The following ASIC2 variants were observed in gnomAD, a reference collection of about 807,000 sequenced individuals.
ASIC2 encodes acid sensing ion channel subunit 2.
In ASIC2, 25 loss-of-function variants were observed where a neutral mutation model predicts 57.3. That is an observed-to-expected ratio of 0.44 (90% confidence interval 0.32 to 0.61). The LOEUF (loss-of-function observed/expected upper bound fraction) is 0.61. ASIC2 is among the 20% of genes least tolerant of loss of function. The probability of loss-of-function intolerance (pLI) is 0.06; values close to 1 mark genes in which losing one functional copy is unlikely to be tolerated. For synonymous variants in ASIC2, 319 were observed against 307.5 expected (o/e 1.04, Z -0.39); for missense variants, 641 against 738.1 (o/e 0.87, Z 1.52).
chr17:33,395,471 T>C (rs1910043662), intron 1 of ASIC2, among the ~76,000 whole-genome samples: 1 of 152,144 alleles, frequency 6.6e-6, no homozygotes, highest in Non-Finnish European at 1.5e-5. Context: ...GACTTACTCA[T>C]TATGACAAGA....
intron 1 of ASIC2, among the ~76,000 whole-genome samples, chr17:33,124,909 A>T (rs2092317178): frequency 6.6e-6 from 1 of 152,170 alleles, no homozygotes; most frequent in Non-Finnish European, 1.5e-5. Flanking sequence ...CAGGTATTAG[A>T]TTCTCTTAAG....
At position 33,231,976 on chromosome 17, in the gene ASIC2, T is replaced by C. The variant is rs535430690; in HGVS notation, c.708+59432A>G. 1.3e-3 allele frequency among the ~76,000 whole-genome samples: 197 copies of C among 152,296 alleles called. 2 individuals are homozygous for C. The highest frequency in any genetic ancestry group is 1.5e-3 in the Non-Finnish European group (103 of 68,036). On this transcript the variant is annotated intron_variant, in intron 1 of 9. Transcript: ENST00000225823. ...GTGATATCTCCAGCACTATGTTAGA[T>C]ACTTGATCTGTGCTCTTCACAGTTT... is the stretch of plus-strand genomic sequence containing the variant.
At chr17:33,045,646 G>T (rs113741884) in intron 3 of ASIC2, among the ~76,000 whole-genome samples, 8 of 152,108 alleles carry the variant, frequency 5.3e-5, no homozygotes, top group South Asian at 2.1e-4. Flanking sequence ...GTCATGGCGG[G>T]GGCCACCATC....
At chr17:33,025,834 C>T (rs967556951) in intron 5 of ASIC2, 92 bp downstream of exon 5, 1 of 1,279,116 alleles carries the variant, frequency 7.8e-7, no homozygotes, top group Non-Finnish European at 1.1e-6. Flanking sequence ...ATTCCTTCTT[C>T]CACTTGATCT....
At chr17:33,500,103 A>C (rs190873173) in intron 1 of ASIC2, among the ~76,000 whole-genome samples, 3 of 152,224 alleles carry the variant, frequency 2.0e-5, no homozygotes, top group Non-Finnish European at 4.4e-5. Flanking sequence ...CTACATACAG[A>C]AAAAAAATAA....
At chr17:33,588,864 G>A (rs1021570184) in intron 1 of ASIC2, among the ~76,000 whole-genome samples, 1 of 152,180 alleles carries the variant, frequency 6.6e-6, no homozygotes, top group Non-Finnish European at 1.5e-5. Context: ...AGAACTGTTA[G>A]TAAACTGTGT....
chr17:33,517,514 G>A (rs999945728), intron 1 of ASIC2, among the ~76,000 whole-genome samples: 30 of 152,302 alleles, frequency 2.0e-4, no homozygotes, highest in African/African-American at 6.7e-4. Flanking sequence ...GATTCTAGCC[G>A]AGGTCTCTTG....
intron 3 of ASIC2, among the ~76,000 whole-genome samples, chr17:33,040,183 G>A (rs898081594): frequency 3.3e-5 from 5 of 152,228 alleles, no homozygotes; most frequent in Non-Finnish European, 5.9e-5. Context: ...TTAGGAGGTT[G>A]GCTCAGGGAG....
chr17:33,255,890 T>C (rs551537855), intron 1 of ASIC2, among the ~76,000 whole-genome samples: 1 of 152,306 alleles, frequency 6.6e-6, no homozygotes, highest in Admixed American at 6.5e-5. Flanking sequence ...GTTGCAAGAA[T>C]GCTACAAATA....
intron 3 of ASIC2, among the ~76,000 whole-genome samples, chr17:33,036,257 G>T (rs551171383): frequency 1.4e-4 from 22 of 152,204 alleles, no homozygotes; most frequent in African/African-American, 5.3e-4. Context: ...GTTTCAGGAA[G>T]GTTAAGTAGC....
intron 1 of ASIC2, among the ~76,000 whole-genome samples, chr17:33,464,240 G>A (rs1452768866): frequency 6.6e-6 from 1 of 152,172 alleles, no homozygotes; most frequent in Non-Finnish European, 1.5e-5. Flanking sequence ...TAGCTGAGGT[G>A]CTCCCTATTT....
rs760476398 is a variant in ASIC2, at chr17:33,028,287, G to A, written c.1093C>T (p.Arg365Cys). 3 of 1,614,164 alleles carry A rather than the reference G, an allele frequency of 1.9e-6. No individual in the cohort carries two copies. Among genetic ancestry groups the A allele is most frequent in the Admixed American group, 1.7e-5 (1 of 60,032 alleles). Reference protein sequence around the residue: ...ITACRIDCETRYIVENCNCRM... With the variant: ...ITACRIDCETCYIVENCNCRM... Reference sequence around the variant, plus strand: ...CAGTTGCAGTTTTCCACAATGTAGCGGGTCTCACAGTCAATCCTACAGGCG... The same window carrying A: ...CAGTTGCAGTTTTCCACAATGTAGCAGGTCTCACAGTCAATCCTACAGGCG... The change falls in exon 4 of 10, where the codon CGC (arginine) becomes TGC (cysteine). Residue 365 changes from arginine to cysteine, a missense_variant. By Grantham distance (180) the Arg-to-Cys change is radical. Coordinates refer to ENST00000225823, the MANE Select transcript of ASIC2 (RefSeq NM_183377.2).
chr17:33,642,994 C>T (rs1417428888), intron 1 of ASIC2, among the ~76,000 whole-genome samples: 1 of 152,206 alleles, frequency 6.6e-6, no homozygotes, highest in African/African-American at 2.4e-5. Context: ...TTGGCAGCTC[C>T]AACCACCACG....
chr17:33,278,198 C>T (rs1442575523), intron 1 of ASIC2, among the ~76,000 whole-genome samples: 1 of 134,970 alleles, frequency 7.4e-6, no homozygotes, highest in African/African-American at 2.8e-5. Flanking sequence ...TGCCCTTATT[C>T]ATTTTTTTTT....
At chr17:33,558,036 C>T (rs1254674851) in intron 1 of ASIC2, among the ~76,000 whole-genome samples, 1 of 151,854 alleles carries the variant, frequency 6.6e-6, no homozygotes, top group Non-Finnish European at 1.5e-5. Flanking sequence ...AAAGTCTTTA[C>T]TAAACCCAAC....
intron 1 of ASIC2, among the ~76,000 whole-genome samples, chr17:33,476,504 CATATATATATATATATATAT>C (rs67811038): frequency 8.1e-6 from 1 of 122,760 alleles, no homozygotes; most frequent in Non-Finnish European, 1.7e-5. Flanking sequence ...TGTGTGTGTG[CATATATATATATATATATAT>C]ATATATATAT....
At chr17:33,664,922 C>A (rs866467660) in intron 1 of ASIC2, among the ~76,000 whole-genome samples, 2 of 152,210 alleles carry the variant, frequency 1.3e-5, no homozygotes, top group African/African-American at 2.4e-5. Context: ...AGGCTAAAAA[C>A]CACCCTCATC....
In ASIC2 at chr17:33,434,276, A is replaced by T. The variant is rs551577855; in HGVS notation, c.556-322209T>A. On this transcript the variant is annotated intron_variant, in intron 1 of 9. Coordinates refer to the ASIC2 transcript ENST00000359872. Reference sequence around the variant, plus strand: ...ACCAAAGTAAGGAAATGGAGCAAATACTAGACATTATAATTCAAGGCTTTC... The same window carrying T: ...ACCAAAGTAAGGAAATGGAGCAAATTCTAGACATTATAATTCAAGGCTTTC... Among the ~76,000 whole-genome samples the T allele has an allele frequency of 6.6e-4, 101 of 152,244 alleles. No individual in the cohort carries two copies. The South Asian group carries it at 0.012, about 17-fold the overall frequency.
chr17:33,515,942 C>A (rs572105577), intron 1 of ASIC2, among the ~76,000 whole-genome samples: 1 of 152,030 alleles, frequency 6.6e-6, no homozygotes, highest in South Asian at 2.1e-4. Flanking sequence ...AAAAAAAATA[C>A]AAAAATTAGC....
Sources: gnomAD v4.1 joint callset for allele counts (sites outside exome capture counted in the v4.1 genomes callset) on GRCh38, gnomAD v4.1.1 for gene constraint, MANE v1.5 for transcripts, NCBI Gene and HGNC (gene_info 2026-07-23, HGNC 2026-07-21) for gene names.